Variants in GMPS observed in about 807,000 individuals in gnomAD.
The protein encoded by GMPS is GMP synthase [glutamine-hydrolyzing].
GMPS carries 15 observed loss-of-function variants against 77.9 expected under a neutral mutation model. The observed-to-expected ratio is 0.19, with a 90% CI of 0.13 to 0.30. The LOEUF (loss-of-function observed/expected upper bound fraction) is 0.30, where lower values mean the gene tolerates loss of function less well. Ranked by LOEUF, GMPS falls within the 10% of genes least tolerant of loss-of-function variation. The pLI is 1.00. For synonymous variants in GMPS, 224 were observed against 275.9 expected (o/e 0.81, Z 1.86); for missense variants, 590 against 838.8 (o/e 0.70, Z 3.66).
chr3:155,908,294 G>A (rs941798927), intron 5 of GMPS, among the ~76,000 whole-genome samples: 1 of 152,234 alleles, frequency 6.6e-6, no homozygotes, highest in Non-Finnish European at 1.5e-5. Context: ...CCCTTTGCAG[G>A]AGGGAGGAGC....
At chr3:155,935,069 T>A (rs753929278) in intron 14 of GMPS, 23 bp downstream of exon 14, 1 of 1,573,918 alleles carries the variant, frequency 6.4e-7, no homozygotes, top group African/African-American at 1.4e-5. Flanking sequence ...TGTTTTTGAT[T>A]ACTACCCTCT....
Position 155,941,207 on chromosome 3 carries a change from A to T in GMPS, c.*3515A>T, listed in dbSNP as rs1180681302. On this transcript the variant is annotated 3_prime_UTR_variant, in exon 16 of 16. Transcript: ENST00000496455. Reference sequence around the variant, plus strand: ...ATCACGAGATCAGGAGATCGAGACCATCTTGGCTAACACGGTGAAACCCCA... The same window carrying T: ...ATCACGAGATCAGGAGATCGAGACCTTCTTGGCTAACACGGTGAAACCCCA... 1 of 177,042 alleles carries T rather than the reference A, an allele frequency of 5.6e-6. No individual in the cohort carries two copies. Among genetic ancestry groups the T allele is most frequent in the Non-Finnish European group, 1.2e-5 (1 of 82,394 alleles). The allele number at this position is 177,042 out of a possible 1,614,324, so 11.0% of individuals were successfully genotyped here.
chr3:155,928,094 T>G (rs1755502363), intron 12 of GMPS, among the ~76,000 whole-genome samples: 1 of 142,772 alleles, frequency 7.0e-6, no homozygotes, highest in Non-Finnish European at 1.5e-5. Context: ...TGGCTTGATC[T>G]CAGCTCATGG....
chr3:155,939,422 T>C lies in GMPS; in HGVS notation c.*1730T>C, dbSNP rs1188310572. On this transcript the variant is annotated 3_prime_UTR_variant, in exon 16 of 16. Transcript: ENST00000496455. ...GCAAACAGTAGGAATTTTGGAAAAA[T>C]AGAGAGTAAGAATGTGTGTTCTATG... 1 of 204,724 alleles carries C rather than the reference T, an allele frequency of 4.9e-6. No homozygotes were observed. The highest frequency in any genetic ancestry group is 2.3e-5 in the African/African-American group (1 of 43,760). 12.7% of individuals were successfully genotyped at this position (204,724 alleles called of 1,614,324 possible). A position where few individuals can be genotyped will look rare whatever the true frequency, so the allele number is the denominator to read the frequency against.
chr3:155,942,244 G>A lies in GMPS; in HGVS notation c.*4552G>A, dbSNP rs978307193. ...TGGGACTACAGGCGCCCGCCACTACGCCCGGCTAATTTTTTTGTACTTTTT... is the reference window on the plus strand; with the variant it reads ...TGGGACTACAGGCGCCCGCCACTACACCCGGCTAATTTTTTTGTACTTTTT... On this transcript the variant is annotated 3_prime_UTR_variant, in exon 16 of 16. Coordinates refer to ENST00000496455, the MANE Select transcript of GMPS (RefSeq NM_003875.3). 2.7e-5 allele frequency: 5 copies of A among 181,986 alleles called. No homozygotes were observed. The highest frequency in any genetic ancestry group is 1.3e-4 in the Admixed American group (2 of 15,962). The allele number at this position is 181,986 out of a possible 1,614,324, so 11.3% of individuals were successfully genotyped here. A position where few individuals can be genotyped will look rare whatever the true frequency, so the allele number is the denominator to read the frequency against.
In GMPS at chr3:155,939,244, A is replaced by G. The variant is rs905015865; in HGVS notation, c.*1552A>G. The G allele has an allele frequency of 4.1e-5, 9 of 218,388 alleles. No individual in the cohort carries two copies. Among genetic ancestry groups the G allele is most frequent in the African/African-American group, 2.0e-4 (9 of 44,546 alleles). The allele number at this position is 218,388 out of a possible 1,614,324, so 13.5% of individuals were successfully genotyped here. A position where few individuals can be genotyped will look rare whatever the true frequency, so the allele number is the denominator to read the frequency against. ...CATTATGGCCTTCTGGAAAGAGGCT[A>G]TGTTAGTGATCTGGTCTTTACAGAT... On this transcript the variant is annotated 3_prime_UTR_variant, in exon 16 of 16. Transcript: ENST00000496455.
chr3:155,889,327 C>T (rs141498629), intron 1 of GMPS, among the ~76,000 whole-genome samples: 35 of 152,290 alleles, frequency 2.3e-4, no homozygotes, highest in Middle Eastern at 3.4e-3. Flanking sequence ...GGATCTCTGA[C>T]TGGTTAGTGT....
chr3:155,919,106 C>A, intron 9 of GMPS, 127 bp from the exon 10 acceptor site: 1 of 555,410 alleles, frequency 1.8e-6, no homozygotes, highest in Non-Finnish European at 3.3e-6. Context: ...TTAAAAGATG[C>A]ATTTTTAGTA....
chr3:155,914,634 T>C, intron 8 of GMPS, 64 bp downstream of exon 8: 1 of 1,071,888 alleles, frequency 9.3e-7, no homozygotes, highest in Non-Finnish European at 1.3e-6. Context: ...TATTTGTTTT[T>C]CCTTGTCACT....
At chr3:155,932,832 A>G (rs1176298011) in intron 13 of GMPS, among the ~76,000 whole-genome samples, 5 of 152,202 alleles carry the variant, frequency 3.3e-5, no homozygotes, top group Non-Finnish European at 5.9e-5. Flanking sequence ...GGCTTACTCA[A>G]ATGAACTGAA....
chr3:155,881,560 G>A (rs1577500109), intron 1 of GMPS, among the ~76,000 whole-genome samples: 1 of 152,290 alleles, frequency 6.6e-6, no homozygotes, highest in Admixed American at 6.5e-5. Flanking sequence ...AAATTGTACT[G>A]TGGCATTTCA....
rs775372227 is a variant in GMPS at position 155,916,195 on chromosome 3, AAAAGTTTATGAAAACTTTTTCAT to A, written c.1212+9_1212+31del. ...TCATCAGAAAGTTGAGAGAGGAGGT[AAAAGTTTATGAAAACTTTTTCAT>A]AAAGTAGATACATGGAAAGTCTTCC... On this transcript the variant is annotated splice_donor_5th_base_variant and intron_variant, in intron 9 of 15. Transcript: ENST00000496455. 1.9e-6 allele frequency: 3 copies of A among 1,599,262 alleles called. No homozygotes were observed. The highest frequency in any genetic ancestry group is 2.6e-6 in the Non-Finnish European group (3 of 1,171,080).
At chr3:155,932,141 A>G (rs1376928656) in intron 13 of GMPS, among the ~76,000 whole-genome samples, 1 of 152,194 alleles carries the variant, frequency 6.6e-6, no homozygotes, top group Non-Finnish European at 1.5e-5. Context: ...TTTTTATTTT[A>G]GTGTAAAATA....
At chr3:155,911,477 C>A (rs969663029) in intron 7 of GMPS, among the ~76,000 whole-genome samples, 198 bp downstream of exon 7, 1 of 152,144 alleles carries the variant, frequency 6.6e-6, no homozygotes, top group Admixed American at 6.6e-5. Context: ...TAATTTAATA[C>A]ATAGATTGAT....
chr3:155,889,127 C>A (rs1393189720), intron 1 of GMPS, among the ~76,000 whole-genome samples: 1 of 152,158 alleles, frequency 6.6e-6, no homozygotes, highest in Non-Finnish European at 1.5e-5. Context: ...TAGAAGGAAG[C>A]TAGTCAAGAT....
At chr3:155,905,613 A>G (rs187379079) in intron 4 of GMPS, among the ~76,000 whole-genome samples, 2 of 152,322 alleles carry the variant, frequency 1.3e-5, no homozygotes, top group Admixed American at 1.3e-4. Context: ...TTAAAATGAA[A>G]GATTATAGGG....
intron 8 of GMPS, 62 bp from the exon 9 acceptor site, chr3:155,915,957 T>C (rs936790721): frequency 9.1e-7 from 1 of 1,103,682 alleles, no homozygotes; most frequent in Non-Finnish European, 1.3e-6. Flanking sequence ...GCTGAAAGTA[T>C]AAACTTTTGC....
Position 155,931,859 on chromosome 3 carries a change from G to T in GMPS, c.1655G>T (p.Arg552Leu). Residue 552 changes from arginine (R) to leucine (L), a missense_variant, in exon 13 of 16, where the codon CGC becomes CTC. Physicochemically the swap from Arg to Leu is moderately radical, Grantham distance 102 (BLOSUM62 -2). Around this residue, in one of 6 missense-constraint regions of GMPS, gnomAD observed 89 missense variants for 95.9 expected, o/e 0.93. Transcript: ENST00000496455. ...ATTTTTCTGGCTAGGCTTATACCTC[G>T]CATGTGTCACAACGTTAACAGGTGT... ...SLIFLARLIPRMCHNVNRVVY... is the reference protein window; with the variant it reads ...SLIFLARLIPLMCHNVNRVVY... 1 of 1,548,338 alleles carries T rather than the reference G, an allele frequency of 6.5e-7. No individual in the cohort carries two copies. Among genetic ancestry groups the T allele is most frequent in the East Asian group, 2.2e-5 (1 of 44,498 alleles).
chr3:155,925,350 A>G lies in GMPS; in HGVS notation c.1544A>G (p.Lys515Arg), dbSNP rs577316787. ...CTGAATGCCTTCTTGCTGCCAATTAAAACTGTAGGTGTGCAGGTGAGTTGT... is the reference window on the plus strand; with the variant it reads ...CTGAATGCCTTCTTGCTGCCAATTAGAACTGTAGGTGTGCAGGTGAGTTGT... The part of the protein sequence containing the change: ...HSLNAFLLPI[K>R]TVGVQGDCRS... Residue 515 changes from lysine (K) to arginine (R), a missense_variant, in exon 12 of 16, where the codon AAA becomes AGA. By Grantham distance (26) the Lys-to-Arg change is conservative. Around this residue, in one of 6 missense-constraint regions of GMPS, gnomAD observed 89 missense variants for 95.9 expected, o/e 0.93. Coordinates refer to ENST00000496455, the MANE Select transcript of GMPS (RefSeq NM_003875.3). The G allele has an allele frequency of 2.5e-6, 4 of 1,610,934 alleles. No homozygotes were observed. The Admixed American group carries it at 6.7e-5, about 27-fold the overall frequency.
Sources: gnomAD v4.1 joint callset for allele counts (sites outside exome capture counted in the v4.1 genomes callset) on GRCh38, gnomAD v4.1.1 for gene constraint, gnomAD v4.1.1 regional missense constraint, MANE v1.5 for transcripts, NCBI Gene and HGNC (gene_info 2026-07-23, HGNC 2026-07-21) for gene names.